Variants in ARMH3 observed in about 807,000 individuals in gnomAD.
ARMH3 encodes the protein armadillo like helical domain containing 3.
In ARMH3, 60 loss-of-function variants were observed where a neutral mutation model predicts 99.1. The observed-to-expected ratio is 0.61, with a 90% CI of 0.49 to 0.75. The LOEUF (loss-of-function observed/expected upper bound fraction) is 0.75, where lower values mean the gene tolerates loss of function less well. Among genes scored for constraint, ARMH3 ranks in the 30% least tolerant of loss-of-function variants. ARMH3 has a pLI of 0.00. For synonymous variants in ARMH3, 285 were observed against 292.8 expected (o/e 0.97, Z 0.27); for missense variants, 679 against 843.1 (o/e 0.81, Z 2.41).
chr10:101,948,187 G>A (rs1171783413), intron 22 of ARMH3, among the ~76,000 whole-genome samples: 2 of 152,134 alleles, frequency 1.3e-5, no homozygotes, highest in African/African-American at 4.8e-5. Flanking sequence ...CCAACTGTAA[G>A]CTGTGTACAA....
chr10:102,012,730 C>CT (rs1314443343), intron 10 of ARMH3, 103 bp downstream of exon 10: 14 of 1,134,914 alleles, frequency 1.2e-5, no homozygotes, highest in Non-Finnish European at 1.8e-5. Context: ...TCTGAATACT[C>CT]TTAGACTAGG....
intron 20 of ARMH3, among the ~76,000 whole-genome samples, chr10:101,959,452 G>C (rs999492760): frequency 6.6e-6 from 1 of 152,174 alleles, no homozygotes; most frequent in Non-Finnish European, 1.5e-5. Context: ...TCTGCAAAAC[G>C]TAATGGCTAG....
intron 23 of ARMH3, among the ~76,000 whole-genome samples, chr10:101,910,505 A>G (rs1357115736): frequency 6.0e-5 from 9 of 150,892 alleles, no homozygotes; most frequent in Non-Finnish European, 8.9e-5. Flanking sequence ...CGAGACGGGC[A>G]GATCACTTGA....
At chr10:101,880,151 A>G (rs1589956339) in intron 24 of ARMH3, among the ~76,000 whole-genome samples, 2 of 152,230 alleles carry the variant, frequency 1.3e-5, no homozygotes, top group African/African-American at 4.8e-5. Flanking sequence ...GAAAGACTAC[A>G]ATACAGGCTG....
intron 24 of ARMH3, among the ~76,000 whole-genome samples, 187 bp from the exon 25 acceptor site, chr10:101,850,079 T>C (rs2066554783): frequency 7.0e-6 from 1 of 143,630 alleles, no homozygotes; most frequent in South Asian, 2.2e-4. Flanking sequence ...GGGACCACTT[T>C]CTCTCTCTCT....
chr10:102,050,761 G>A (rs888947963), intron 1 of ARMH3, among the ~76,000 whole-genome samples: 4 of 151,576 alleles, frequency 2.6e-5, no homozygotes, highest in Admixed American at 2.6e-4. Context: ...GGATGCTGAG[G>A]CACGAGAATT....
At chr10:101,884,239 C>T (rs1348541861) in intron 24 of ARMH3, among the ~76,000 whole-genome samples, 4 of 152,120 alleles carry the variant, frequency 2.6e-5, no homozygotes, top group Admixed American at 2.6e-4. Context: ...TTCCTAATGT[C>T]AGAAACCACT....
chr10:101,860,083 G>C (rs566544667), intron 24 of ARMH3, among the ~76,000 whole-genome samples: 1 of 152,052 alleles, frequency 6.6e-6, no homozygotes, highest in South Asian at 2.1e-4. Flanking sequence ...GAAAAAAAAC[G>C]GGGAAAGGGA....
Position 101,846,743 on chromosome 10 carries a change from T to A in ARMH3, c.*785A>T, listed in dbSNP as rs558732208. On this transcript the variant is annotated 3_prime_UTR_variant, in exon 26 of 26. Coordinates refer to ENST00000370033, the MANE Select transcript of ARMH3 (RefSeq NM_024541.3). ...TTGGGAGGCCAAGGTGGGTGGATCA[T>A]GAACTCAGGATATTGAGACCATCCT... The A allele has an allele frequency of 2.0e-5, 3 of 152,306 alleles. No individual in the cohort carries two copies. In the South Asian group the frequency reaches 6.2e-4, roughly 32 times the overall value. 9.4% of individuals were successfully genotyped at this position (152,306 alleles called of 1,614,324 possible). A position where few individuals can be genotyped will look rare whatever the true frequency, so the allele number is the denominator to read the frequency against.
At position 102,007,159 on chromosome 10, in the gene ARMH3, C is replaced by CAAAAA. The variant is rs10639768; in HGVS notation, c.955-531_955-527dup. Among the ~76,000 whole-genome samples, 48 of 60,048 alleles carry CAAAAA rather than the reference C, an allele frequency of 8.0e-4. 2 individuals are homozygous for CAAAAA. Among genetic ancestry groups the CAAAAA allele is most frequent in the South Asian group, 1.6e-3 (2 of 1,270 alleles). The allele number at this position is 60,048 out of a possible 152,430, so 39.4% of individuals were successfully genotyped here. Reference sequence around the variant, plus strand: ...CTGGTGACACAGCAAGACTCTATCTCAAAAAAAAAAAAAAAAAAAGAAAAA... The same window carrying CAAAAA: ...CTGGTGACACAGCAAGACTCTATCTCAAAAAAAAAAAAAAAAAAAAAAAAGAAAAA... On this transcript the variant is annotated intron_variant, in intron 13 of 25. Transcript: ENST00000370033.
At chr10:101,931,798 C>T (rs1397797708) in intron 23 of ARMH3, among the ~76,000 whole-genome samples, 1 of 152,132 alleles carries the variant, frequency 6.6e-6, no homozygotes, top group Admixed American at 6.5e-5. Context: ...GCTAAAACAA[C>T]ATAAAACTCT....
Position 102,053,660 on chromosome 10 carries a change from A to AT in ARMH3, c.-12+2424dup, listed in dbSNP as rs773324618. 7.3e-3 allele frequency among the ~76,000 whole-genome samples: 1,038 copies of AT among 143,162 alleles called. 15 individuals carry two copies. Among genetic ancestry groups the AT allele is most frequent in the East Asian group, 0.02 (98 of 4,958 alleles). 93.9% of individuals were successfully genotyped at this position (143,162 alleles called of 152,430 possible). A position where few individuals can be genotyped will look rare whatever the true frequency, so the allele number is the denominator to read the frequency against. ...GCAGTATTCCCATTACACTGTATAA[A>AT]TTTTTTTTTTTTTTTTTGAGAGGGA... On this transcript the variant is annotated intron_variant, in intron 1 of 25. Transcript: ENST00000370033.
chr10:102,035,744 C>A (rs1452507409), intron 2 of ARMH3, among the ~76,000 whole-genome samples: 1 of 152,160 alleles, frequency 6.6e-6, no homozygotes, highest in Non-Finnish European at 1.5e-5. Flanking sequence ...GGTGTGATCT[C>A]GGCTCGCTAC....
chr10:101,934,308 G>T (rs563442136), intron 23 of ARMH3, among the ~76,000 whole-genome samples: 1 of 152,210 alleles, frequency 6.6e-6, no homozygotes, highest in Non-Finnish European at 1.5e-5. Flanking sequence ...AGCTACATAA[G>T]CAAGTAAGAA....
At chr10:101,928,516 G>T (rs192478838) in intron 23 of ARMH3, among the ~76,000 whole-genome samples, 31 of 152,156 alleles carry the variant, frequency 2.0e-4, no homozygotes, top group Admixed American at 3.9e-4. Flanking sequence ...CAAAAGACAG[G>T]GCACAAGCCA....
chr10:101,914,214 C>A (rs142167596), intron 23 of ARMH3, among the ~76,000 whole-genome samples: 1 of 152,024 alleles, frequency 6.6e-6, no homozygotes, highest in Non-Finnish European at 1.5e-5. Flanking sequence ...CCGAGCTGGG[C>A]GTGGTGGCTC....
At chr10:101,884,060 G>T (rs2067483412) in intron 24 of ARMH3, among the ~76,000 whole-genome samples, 1 of 151,658 alleles carries the variant, frequency 6.6e-6, no homozygotes, top group Non-Finnish European at 1.5e-5. Flanking sequence ...CACTAGCGAG[G>T]GACAAGCTGA....
intron 24 of ARMH3, among the ~76,000 whole-genome samples, chr10:101,871,349 G>A (rs1413852890): frequency 6.6e-6 from 1 of 152,086 alleles, no homozygotes; most frequent in Non-Finnish European, 1.5e-5. Context: ...TACAGAAATG[G>A]AAAGGACCTA....
At chr10:102,022,906 AG>A (rs1406459760) in intron 8 of ARMH3, among the ~76,000 whole-genome samples, 2 of 148,724 alleles carry the variant, frequency 1.3e-5, no homozygotes, top group Non-Finnish European at 3.0e-5. Context: ...AAAAAGTTCT[AG>A]GCCAGGTGCG....
Sources: gnomAD v4.1 joint callset for allele counts (sites outside exome capture counted in the v4.1 genomes callset) on GRCh38, gnomAD v4.1.1 for gene constraint, MANE v1.5 for transcripts, NCBI Gene and HGNC (gene_info 2026-07-23, HGNC 2026-07-21) for gene names.